Variants in MGAT4C observed in about 807,000 individuals in gnomAD.
The protein encoded by MGAT4C is alpha-1,3-mannosyl-glycoprotein 4-beta-N-acetylglucosaminyltransferase C.
In MGAT4C, 19 loss-of-function variants were observed where a neutral mutation model predicts 40.1. The ratio of observed to expected loss-of-function variants is 0.47; its 90% CI spans 0.33 to 0.70. The LOEUF (loss-of-function observed/expected upper bound fraction) is 0.70. Ranked by LOEUF, MGAT4C falls within the 30% of genes least tolerant of loss-of-function variation. The pLI is 0.02. For synonymous variants in MGAT4C, 181 were observed against 187.1 expected, an observed-to-expected ratio of 0.97 and a Z score of 0.27; for missense variants, 491 against 563.2, an observed-to-expected ratio of 0.87 and a Z score of 1.30.
intron 2 of MGAT4C, among the ~76,000 whole-genome samples, chr12:86,537,184 A>T (rs1208140230): frequency 6.6e-6 from 1 of 152,028 alleles, no homozygotes; most frequent in African/African-American, 2.4e-5. Flanking sequence ...GAACACATGG[A>T]CACAGGAAGG....
intron 2 of MGAT4C, among the ~76,000 whole-genome samples, chr12:86,704,127 C>G (rs1352394712): frequency 6.6e-6 from 1 of 152,086 alleles, no homozygotes; most frequent in African/African-American, 2.4e-5. Context: ...ATTCAACACT[C>G]TAAATACTCT....
intron 1 of MGAT4C, among the ~76,000 whole-genome samples, chr12:86,190,842 C>A (rs1328374565): frequency 2.0e-5 from 3 of 151,858 alleles, no homozygotes; most frequent in Non-Finnish European, 4.4e-5. Context: ...AAGAGATAAT[C>A]CTTAATTTGC....
chr12:86,649,272 C>T (rs1296024489), intron 2 of MGAT4C, among the ~76,000 whole-genome samples: 1 of 151,666 alleles, frequency 6.6e-6, no homozygotes, highest in Non-Finnish European at 1.5e-5. Context: ...GTTTTGTACC[C>T]ATTGAAATGA....
intron 2 of MGAT4C, among the ~76,000 whole-genome samples, chr12:86,550,449 G>T (rs542919244): frequency 6.6e-6 from 1 of 152,134 alleles, no homozygotes; most frequent in Non-Finnish European, 1.5e-5. Flanking sequence ...AGCACAAGGT[G>T]GACAATCTCC....
intron 3 of MGAT4C, among the ~76,000 whole-genome samples, chr12:86,417,133 G>C (rs1004197270): frequency 6.6e-6 from 1 of 152,032 alleles, no homozygotes; most frequent in Non-Finnish European, 1.5e-5. Flanking sequence ...CTGGTTGTTA[G>C]AATGCAGAGA....
intron 2 of MGAT4C, among the ~76,000 whole-genome samples, chr12:86,521,489 G>C (rs931665514): frequency 2.0e-5 from 3 of 152,078 alleles, no homozygotes; most frequent in Non-Finnish European, 2.9e-5. Context: ...AGTATAGTTT[G>C]AAGTTGGGTA....
chr12:86,004,963 C>T (rs1230111907), intron 2 of MGAT4C, among the ~76,000 whole-genome samples: 1 of 152,174 alleles, frequency 6.6e-6, no homozygotes, highest in Non-Finnish European at 1.5e-5. Flanking sequence ...CATCTCATGA[C>T]ATAATTCAAT....
At chr12:86,797,896 AT>A (rs1345893679) in intron 1 of MGAT4C, among the ~76,000 whole-genome samples, 1 of 151,934 alleles carries the variant, frequency 6.6e-6, no homozygotes, top group Non-Finnish European at 1.5e-5. Flanking sequence ...TCATTGATTG[AT>A]TGTTAAATTC....
chr12:86,557,897 C>T (rs560911520), intron 2 of MGAT4C, among the ~76,000 whole-genome samples: 1 of 151,688 alleles, frequency 6.6e-6, no homozygotes. Context: ...ATATGAATTA[C>T]CTGAAAAATA....
chr12:86,603,762 T>C (rs1961927670), intron 2 of MGAT4C, among the ~76,000 whole-genome samples: 1 of 120,658 alleles, frequency 8.3e-6, no homozygotes, highest in Non-Finnish European at 1.6e-5. Context: ...ATATAATATA[T>C]AGTATAATTA....
chr12:86,771,825 G>T (rs1951644991), intron 1 of MGAT4C, among the ~76,000 whole-genome samples: 1 of 151,894 alleles, frequency 6.6e-6, no homozygotes, highest in East Asian at 1.9e-4. Flanking sequence ...AACGACCTTT[G>T]TTATACAGTA....
In MGAT4C at chr12:86,130,602, CAA is replaced by C. The variant is rs542379766; in HGVS notation, c.-56-80881_-56-80880del. Among the ~76,000 whole-genome samples the C allele has an allele frequency of 2.2e-3, 328 of 151,926 alleles. 3 individuals carry two copies. The highest frequency in any genetic ancestry group is 0.02 in the Admixed American group (310 of 15,260). On this transcript the variant is annotated intron_variant, in intron 1 of 4. Coordinates refer to ENST00000611864, the MANE Select transcript of MGAT4C (RefSeq NM_001351288.2). ...GAAAGCTGATACAAATTCATATGTA[CAA>C]AGAGTAAATATAAGATTAAAATATT...
chr12:86,085,123 T>C (rs1871524287), intron 1 of MGAT4C, among the ~76,000 whole-genome samples: 1 of 152,058 alleles, frequency 6.6e-6, no homozygotes, highest in Non-Finnish European at 1.5e-5. Flanking sequence ...TTATTTTTTA[T>C]TTATTTTTTA....
intron 3 of MGAT4C, among the ~76,000 whole-genome samples, chr12:86,362,699 T>A (rs1225745037): frequency 1.3e-5 from 2 of 149,586 alleles, no homozygotes; most frequent in Non-Finnish European, 3.0e-5. Flanking sequence ...CTGTCTCTAC[T>A]AAAAATACAA....
Position 86,110,381 on chromosome 12 carries a change from A to G in MGAT4C, c.-56-60658T>C, listed in dbSNP as rs1301212729. On this transcript the variant is annotated intron_variant, in intron 1 of 4. Coordinates refer to ENST00000611864, the MANE Select transcript of MGAT4C (RefSeq NM_001351288.2). ...ACACATAGTCAAGGGGTTGAAGTGA[A>G]ATTAGCAATGACTCTAAAGGCAAAG... Among the ~76,000 whole-genome samples the G allele has an allele frequency of 3.4e-5, 4 of 116,972 alleles. No individual in the cohort carries two copies. In the East Asian group the frequency reaches 7.1e-4, roughly 21 times the overall value. 76.7% of individuals were successfully genotyped at this position (116,972 alleles called of 152,430 possible). A position where few individuals can be genotyped will look rare whatever the true frequency, so the allele number is the denominator to read the frequency against.
intron 2 of MGAT4C, among the ~76,000 whole-genome samples, chr12:86,637,475 T>C (rs1300241692): frequency 2.0e-5 from 3 of 151,976 alleles, no homozygotes; most frequent in Admixed American, 1.3e-4. Context: ...GCCAAATATG[T>C]TAAGGTTATA....
chr12:86,111,071 T>C (rs901452543), intron 1 of MGAT4C, among the ~76,000 whole-genome samples: 4 of 151,816 alleles, frequency 2.6e-5, no homozygotes, highest in Non-Finnish European at 4.4e-5. Flanking sequence ...ATGAATTTAA[T>C]AAAATGTTAA....
chr12:86,186,171 T>C (rs1013020375), intron 1 of MGAT4C, among the ~76,000 whole-genome samples: 3 of 152,122 alleles, frequency 2.0e-5, no homozygotes, highest in East Asian at 1.9e-4. Context: ...CTTCCAACCA[T>C]AGGGTACCAA....
intron 1 of MGAT4C, among the ~76,000 whole-genome samples, chr12:86,136,465 G>A (rs574734151): frequency 2.9e-4 from 44 of 152,218 alleles, no homozygotes; most frequent in Non-Finnish European, 5.0e-4. Context: ...GTTAGGAAGG[G>A]CATCTATAAG....
Sources: gnomAD v4.1 joint callset for allele counts (sites outside exome capture counted in the v4.1 genomes callset) on GRCh38, gnomAD v4.1.1 for gene constraint, MANE v1.5 for transcripts, NCBI Gene and HGNC (gene_info 2026-07-23, HGNC 2026-07-21) for gene names.